Variants in BUD13 observed in about 807,000 individuals in gnomAD.
BUD13 encodes the protein BUD13 spliceosome associated protein, also known as BUD13 homolog.
BUD13 carries 47 observed loss-of-function variants against 62.5 expected under a neutral mutation model. That is an observed-to-expected ratio of 0.75 (90% confidence interval 0.60 to 0.96). The LOEUF is 0.96. Ranked by LOEUF, BUD13 falls within the 40% of genes least tolerant of loss-of-function variation. The pLI is 0.00. For synonymous variants in BUD13, 293 were observed against 280.1 expected (o/e 1.05, Z -0.46); for missense variants, 821 against 790.9 (o/e 1.04, Z -0.46).
intron 9 of BUD13, among the ~76,000 whole-genome samples, chr11:116,750,359 C>G (rs1313510476): frequency 6.6e-6 from 1 of 152,182 alleles, no homozygotes; most frequent in East Asian, 1.9e-4. Context: ...TTCTCTTGGT[C>G]TTCTTATCTA....
chr11:116,758,700 G>A (rs546217439), intron 6 of BUD13, among the ~76,000 whole-genome samples: 1 of 147,006 alleles, frequency 6.8e-6, no homozygotes, highest in South Asian at 2.1e-4. Flanking sequence ...CGATTCTCCT[G>A]TCTCAGCCTC....
intron 6 of BUD13, among the ~76,000 whole-genome samples, chr11:116,758,758 T>C (rs933539225): frequency 2.0e-5 from 3 of 151,852 alleles, no homozygotes; most frequent in Non-Finnish European, 4.4e-5. Context: ...TGGCTAGTTT[T>C]TTTTTGTATT....
intron 6 of BUD13, 96 bp from the exon 7 acceptor site, chr11:116,758,503 G>C: frequency 7.3e-7 from 1 of 1,377,834 alleles, no homozygotes; most frequent in Non-Finnish European, 9.8e-7. Context: ...TGCTAGATAA[G>C]AACTTCTGCA....
At position 116,758,325 on chromosome 11, in the gene BUD13, C is replaced by T; in HGVS notation, c.1443G>A (p.Arg481=). 6.2e-7 allele frequency: 1 copy of T among 1,614,208 alleles called. No individual in the cohort carries two copies. Among genetic ancestry groups the T allele is most frequent in the Non-Finnish European group, 8.5e-7 (1 of 1,180,048 alleles). Residue 481 remains arginine, a synonymous_variant, in exon 7 of 10, where the codon AGG becomes AGA. Transcript: ENST00000260210. ...RNLKLERLEQ[R]RKAEKDSERD... is the part of the protein sequence containing the mutation. Reference sequence around the variant, plus strand: ...TCTCTGAGTCCTTTTCTGCTTTCCTCCTTTGCTCTAAACGTTCGAGTTTCA... The same window carrying T: ...TCTCTGAGTCCTTTTCTGCTTTCCTTCTTTGCTCTAAACGTTCGAGTTTCA...
intron 2 of BUD13, among the ~76,000 whole-genome samples, chr11:116,767,663 G>A (rs1940556056): frequency 6.7e-6 from 1 of 150,360 alleles, no homozygotes; most frequent in Non-Finnish European, 1.5e-5. Flanking sequence ...TTTGCTATTG[G>A]TTTTGTTTTG....
At chr11:116,764,566 C>T (rs79624460) in intron 3 of BUD13, among the ~76,000 whole-genome samples, 3,856 of 151,922 alleles carry the variant, frequency 0.025, 152 homozygotes, top group African/African-American at 0.086. Flanking sequence ...GAAAAGGCAC[C>T]GTGTGTATGT....
intron 1 of BUD13, 105 bp downstream of exon 1, chr11:116,772,717 G>T: frequency 7.3e-7 from 1 of 1,373,182 alleles, no homozygotes; most frequent in Non-Finnish European, 9.5e-7. Context: ...CGGCGGAGAA[G>T]CCGAGAGACC....
Position 116,769,567 on chromosome 11 carries a change from A to T in BUD13, c.237+562T>A, listed in dbSNP as rs558550540. 3.9e-5 allele frequency among the ~76,000 whole-genome samples: 6 copies of T among 152,320 alleles called. No individual in the cohort carries two copies. The South Asian group carries it at 1.2e-3, about 32-fold the overall frequency. On this transcript the variant is annotated intron_variant, in intron 2 of 9. Transcript: ENST00000260210. ...CACAGCTAAGTCTCATCATTACTCT[A>T]ACACTGATGTCGAGAAGTCCTCTCT...
chr11:116,761,184 T>C (rs1940425910), intron 4 of BUD13, among the ~76,000 whole-genome samples: 1 of 152,034 alleles, frequency 6.6e-6, no homozygotes, highest in Admixed American at 6.6e-5. Flanking sequence ...CCCAAGTAGC[T>C]GGAATTACAG....
At position 116,750,907 on chromosome 11, in the gene BUD13, G is replaced by A. The variant is rs74496689; in HGVS notation, c.1767-2332C>T. Among the ~76,000 whole-genome samples, 1,451 of 152,154 alleles carry A rather than the reference G, an allele frequency of 9.5e-3. 15 individuals carry two copies. The highest frequency in any genetic ancestry group is 0.016 in the Non-Finnish European group (1,089 of 68,004). ...CTATCCAACAACAGCAAATTACTTA[G>A]GGACCCCCACCACCTGGTAACACCA... On this transcript the variant is annotated intron_variant, in intron 9 of 9. Transcript: ENST00000260210.
rs570246157 is a variant in BUD13 at position 116,763,020 on chromosome 11, G to T, written c.569C>A (p.Pro190Gln). ...TGGAGAATCATGACGGGCCCTCCTT[G>T]GGGGTGAAGTGTCTGAGGAGTCATG... The part of the protein sequence containing the change: ...IRHDSSDTSP[P>Q]RRARHDSPDP... The change falls in exon 4 of 10, where the codon CCA (proline) becomes CAA (glutamine). Residue 190 changes from proline (P) to glutamine (Q), a missense_variant. This residue lies in a region of BUD13 where 800 missense variants were observed against 739.2 expected (regional missense o/e 1.08). Transcript: ENST00000260210. 6.2e-7 allele frequency: 1 copy of T among 1,613,496 alleles called. No homozygotes were observed. Among genetic ancestry groups the T allele is most frequent in the African/African-American group, 1.3e-5 (1 of 74,806 alleles).
rs115247920 is a variant in BUD13, at chr11:116,754,860, T to C, written c.1766+2286A>G. On this transcript the variant is annotated intron_variant, in intron 9 of 9. Transcript: ENST00000260210. ...ATCTGATGGAATCTATAAAAAGCTATTGTACAAAGTGAGCTTTACCTGAAG... is the reference window on the plus strand; with the variant it reads ...ATCTGATGGAATCTATAAAAAGCTACTGTACAAAGTGAGCTTTACCTGAAG... Among the ~76,000 whole-genome samples, 1,028 of 152,294 alleles carry C rather than the reference T, an allele frequency of 6.8e-3. 15 individuals are homozygous for C. Among genetic ancestry groups the C allele is most frequent in the African/African-American group, 0.024 (983 of 41,546 alleles).
chr11:116,766,983 T>C (rs1940541424), intron 2 of BUD13, among the ~76,000 whole-genome samples: 1 of 146,934 alleles, frequency 6.8e-6, no homozygotes, highest in South Asian at 2.2e-4. Flanking sequence ...AGCCCAGGAG[T>C]TCATGACCAG....
intron 3 of BUD13, among the ~76,000 whole-genome samples, chr11:116,764,964 C>A (rs1385554942): frequency 6.6e-6 from 1 of 152,072 alleles, no homozygotes; most frequent in African/African-American, 2.4e-5. Context: ...GGTCCTTGAC[C>A]CCCCAGAAAT....
chr11:116,757,766 CT>C lies in BUD13; in HGVS notation c.1683del (p.Val562Ter), dbSNP rs1565312224. On this transcript the variant is annotated frameshift_variant and splice_region_variant, in exon 8 of 10. Transcript: ENST00000260210. LOFTEE classifies it high-confidence loss of function. ...AGCTGATGATTCCCAGAAGTCCCAC[CT>C]TTTTTATTCTTGTTCTCCTTGGCCT... ...KNKAKENKNK[K>X]VRPRYSGPAP... 2 of 1,605,074 alleles carry C rather than the reference CT, an allele frequency of 1.2e-6. No homozygotes were observed. Among genetic ancestry groups the C allele is most frequent in the Non-Finnish European group, 1.7e-6 (2 of 1,177,472 alleles).
At chr11:116,772,302 T>G (rs1320144572) in intron 1 of BUD13, among the ~76,000 whole-genome samples, 1 of 152,222 alleles carries the variant, frequency 6.6e-6, no homozygotes, top group Non-Finnish European at 1.5e-5. Context: ...TTAAATAAAC[T>G]TATATATGTT....
At chr11:116,753,016 G>T (rs759579218) in intron 9 of BUD13, among the ~76,000 whole-genome samples, 1 of 152,158 alleles carries the variant, frequency 6.6e-6, no homozygotes, top group Non-Finnish European at 1.5e-5. Flanking sequence ...ACATTGCAGA[G>T]TAACCCGAAC....
Position 116,757,212 on chromosome 11 carries a change from C to G in BUD13, c.1700G>C (p.Ser567Thr), listed in dbSNP as rs1026851262. 1.9e-5 allele frequency: 30 copies of G among 1,613,946 alleles called. No homozygotes were observed. Among genetic ancestry groups the G allele is most frequent in the Non-Finnish European group, 2.5e-5 (29 of 1,179,980 alleles). ...TCTGTTGGGAGGAGGTGCTGGACCA[C>G]TGTAGCGAGGTCTCACTAATGAGAG... is the stretch of plus-strand genomic sequence containing the variant. ...NKNKKVRPRY[S>T]GPAPPPNRFN... The change falls in exon 9 of 10, where the codon AGT becomes ACT. Residue 567 changes from serine to threonine, a missense_variant. By Grantham distance (58) the Ser-to-Thr change is moderately conservative. Around this residue, in one of 2 missense-constraint regions of BUD13, gnomAD observed 800 missense variants for 739.2 expected, o/e 1.08. Coordinates refer to ENST00000260210, the MANE Select transcript of BUD13 (RefSeq NM_032725.4).
intron 9 of BUD13, among the ~76,000 whole-genome samples, chr11:116,749,991 T>C (rs778539523): frequency 6.6e-6 from 1 of 152,208 alleles, no homozygotes; most frequent in Non-Finnish European, 1.5e-5. Context: ...TGAGTTCAGC[T>C]TTGAATACAA....
Sources: allele counts gnomAD v4.1 joint callset (sites outside exome capture counted in the v4.1 genomes callset), GRCh38; gene constraint gnomAD v4.1.1; regional missense constraint gnomAD v4.1.1; transcripts MANE v1.5; gene names NCBI Gene and HGNC (gene_info 2026-07-23, HGNC 2026-07-21).